The following ACACA variants were observed in gnomAD, a reference collection of about 807,000 sequenced individuals.
ACACA encodes acetyl-CoA carboxylase 1.
Under a neutral mutation model 296.1 loss-of-function variants are expected in ACACA, and 103 were observed. The observed-to-expected ratio is 0.35, with a 90% CI of 0.30 to 0.41. The LOEUF (loss-of-function observed/expected upper bound fraction) is 0.41. Among genes scored for constraint, ACACA ranks in the 10% least tolerant of loss-of-function variants. The pLI is 1.00. For synonymous variants in ACACA, 953 were observed against 1,038.6 expected (o/e 0.92, Z 1.58); for missense variants, 1,554 against 2,989.7 (o/e 0.52, Z 11.20).
intron 48 of ACACA, among the ~76,000 whole-genome samples, chr17:37,125,178 T>C (rs1389884931): frequency 1.3e-5 from 2 of 152,144 alleles, no homozygotes; most frequent in Non-Finnish European, 2.9e-5. Flanking sequence ...TATAGGTATC[T>C]TGGCAACCTA....
At position 37,243,477 on chromosome 17, in the gene ACACA, C is replaced by G; in HGVS notation, c.2825G>C (p.Ser942Thr). Residue 942 changes from serine (S) to threonine (T), a missense_variant, in exon 22 of 56, where the codon AGT becomes ACT. Ser to Thr is a moderately conservative substitution (Grantham distance 58). This residue lies in a region of ACACA where 316 missense variants were observed against 540.9 expected (regional missense o/e 0.58). Coordinates refer to ENST00000616317, the MANE Select transcript of ACACA (RefSeq NM_198834.3). ...ATTGGGGGGAATGCGGCCAGACACA[C>G]TGGTCATAATATCTTGCAATTCTAG... ...PLLELQDIMT[S>T]VSGRIPPNVE... 3.1e-6 allele frequency: 5 copies of G among 1,614,172 alleles called. No individual in the cohort carries two copies. Among genetic ancestry groups the G allele is most frequent in the Non-Finnish European group, 4.2e-6 (5 of 1,180,024 alleles).
intron 35 of ACACA, 133 bp downstream of exon 35, chr17:37,200,006 T>C: frequency 2.7e-6 from 2 of 733,968 alleles, no homozygotes; most frequent in Non-Finnish European, 4.5e-6. Flanking sequence ...GAACTGAATA[T>C]TTATTATAAT....
Position 37,170,717 on chromosome 17 carries a change from C to T in ACACA, c.5079+8543G>A, listed in dbSNP as rs2076852658. ...TATTAACATTTATTCTGATGGTGCC[C>T]ATAAATGCCATTAGTCTGACACAAA... On this transcript the variant is annotated intron_variant, in intron 41 of 55. Coordinates refer to ENST00000616317, the MANE Select transcript of ACACA (RefSeq NM_198834.3). Among the ~76,000 whole-genome samples, 4 of 152,110 alleles carry T rather than the reference C, an allele frequency of 2.6e-5. No individual in the cohort carries two copies. The South Asian group carries it at 8.3e-4, about 32-fold the overall frequency.
intron 29 of ACACA, among the ~76,000 whole-genome samples, chr17:37,217,464 T>C (rs1336977240): frequency 1.3e-5 from 2 of 150,246 alleles, no homozygotes; most frequent in South Asian, 2.1e-4. Flanking sequence ...AACAAAATAC[T>C]GTGGCTCATG....
chr17:37,325,478 T>C (rs113280709), intron 3 of ACACA, among the ~76,000 whole-genome samples: 149 of 151,456 alleles, frequency 9.8e-4, no homozygotes, highest in African/African-American at 3.4e-3. Flanking sequence ...TAGCTGATCA[T>C]ATCTAAAAAT....
At chr17:37,344,046 T>A (rs913092111) in intron 1 of ACACA, among the ~76,000 whole-genome samples, 1 of 150,110 alleles carries the variant, frequency 6.7e-6, no homozygotes, top group African/African-American at 2.4e-5. Context: ...TACAGTAGTA[T>A]AATAATCTCT....
chr17:37,180,330 G>A (rs2077271004), intron 40 of ACACA, among the ~76,000 whole-genome samples: 1 of 152,102 alleles, frequency 6.6e-6, no homozygotes, highest in Non-Finnish European at 1.5e-5. Context: ...GTAAACAAAT[G>A]GTTGCATAAA....
chr17:37,222,022 C>T (rs2079317458), intron 28 of ACACA, 180 bp from the exon 29 acceptor site: 12 of 628,106 alleles, frequency 1.9e-5, no homozygotes, highest in South Asian at 1.7e-4. Flanking sequence ...AGTCTTAATA[C>T]TATAACCATG....
At chr17:37,223,087 A>G (rs1465046579) in intron 28 of ACACA, among the ~76,000 whole-genome samples, 1 of 152,242 alleles carries the variant, frequency 6.6e-6, no homozygotes, top group African/African-American at 2.4e-5. Context: ...TCCTTTGAGG[A>G]AGTATTTCAT....
At chr17:37,201,067 T>G (rs1158522915) in intron 33 of ACACA, among the ~76,000 whole-genome samples, 1 of 152,218 alleles carries the variant, frequency 6.6e-6, no homozygotes, top group African/African-American at 2.4e-5. Flanking sequence ...TTTAAAATTG[T>G]TAAAAGCAAT....
intron 38 of ACACA, 91 bp downstream of exon 38, chr17:37,191,029 T>G (rs971110697): frequency 6.9e-7 from 1 of 1,444,396 alleles, no homozygotes; most frequent in Non-Finnish European, 9.7e-7. Context: ...GAACAAGGAG[T>G]ACCTGTTTCC....
Position 37,127,863 on chromosome 17 carries a change from G to GA in ACACA, c.5944+1501dup, listed in dbSNP as rs1197053445. Among the ~76,000 whole-genome samples, 149 of 104,228 alleles carry GA rather than the reference G, an allele frequency of 1.4e-3. 1 individual carries two copies. The highest frequency in any genetic ancestry group is 5.7e-3 in the Middle Eastern group (1 of 176). The allele number at this position is 104,228 out of a possible 152,430, so 68.4% of individuals were successfully genotyped here. A position where few individuals can be genotyped will look rare whatever the true frequency, so the allele number is the denominator to read the frequency against. ...GCCTCAAAAAAAAAAAAAAGAAAAA[G>GA]AAAAAAAAAAAGACTGACAGGTAAT... On this transcript the variant is annotated intron_variant, in intron 47 of 55. Coordinates refer to ENST00000616317, the MANE Select transcript of ACACA (RefSeq NM_198834.3).
chr17:37,358,566 T>G (rs1409316342), intron 1 of ACACA, among the ~76,000 whole-genome samples: 1 of 152,144 alleles, frequency 6.6e-6, no homozygotes, highest in Non-Finnish European at 1.5e-5. Context: ...TTCAATGCAA[T>G]CAGACCCAAC....
chr17:37,326,536 GAAAA>G (rs879691516), intron 3 of ACACA, among the ~76,000 whole-genome samples: 1 of 128,282 alleles, frequency 7.8e-6, no homozygotes, highest in Non-Finnish European at 1.7e-5. Context: ...CGTCTCAAAA[GAAAA>G]AAAAAAAAGG....
At chr17:37,342,831 C>T (rs1015277848) in intron 1 of ACACA, among the ~76,000 whole-genome samples, 8 of 151,706 alleles carry the variant, frequency 5.3e-5, no homozygotes, top group Non-Finnish European at 1.2e-4. Flanking sequence ...GTCCCAGCTA[C>T]TTGGGAGGCT....
At chr17:37,278,810 C>G (rs1450898484) in intron 5 of ACACA, among the ~76,000 whole-genome samples, 1 of 152,102 alleles carries the variant, frequency 6.6e-6, no homozygotes, top group African/African-American at 2.4e-5. Context: ...TTTATTTTAG[C>G]TTTCAAATTT....
chr17:37,194,943 C>T (rs980844676), intron 35 of ACACA, among the ~76,000 whole-genome samples: 3 of 151,914 alleles, frequency 2.0e-5, no homozygotes, highest in Non-Finnish European at 2.9e-5. Context: ...ACCCCCCCCA[C>T]CCGTTATGAG....
At chr17:37,391,669 C>G in intron 1 of ACACA, 1 of 1,613,864 alleles carries the variant, frequency 6.2e-7, no homozygotes, top group Non-Finnish European at 8.5e-7. Context: ...GCTGCCAATT[C>G]ATCAAACCCA....
In ACACA at chr17:37,214,192, GT is replaced by G. The variant is rs574971973; in HGVS notation, c.3684-3703del. On this transcript the variant is annotated intron_variant, in intron 29 of 55. Transcript: ENST00000616317. ...AGGAGAAAGAGCAATTTGACTGGCT[GT>G]GACCAGTGGTGGTCTCTTTGCATGA... Among the ~76,000 whole-genome samples, 46 of 152,298 alleles carry G rather than the reference GT, an allele frequency of 3.0e-4. No homozygotes were observed. The South Asian group carries it at 9.3e-3, about 31-fold the overall frequency.
Sources: allele counts gnomAD v4.1 joint callset (sites outside exome capture counted in the v4.1 genomes callset), GRCh38; gene constraint gnomAD v4.1.1; regional missense constraint gnomAD v4.1.1; transcripts MANE v1.5; gene names NCBI Gene and HGNC (gene_info 2026-07-23, HGNC 2026-07-21).